ZNF577: variants seen among roughly 807,000 people sequenced by gnomAD.
The protein encoded by ZNF577 is zinc finger protein 577.
ZNF577 carries 14 observed loss-of-function variants against 13.9 expected under a neutral mutation model. The ratio of observed to expected loss-of-function variants is 1.00; its 90% CI spans 0.66 to 1.57. The LOEUF (loss-of-function observed/expected upper bound fraction) is 1.57, where lower values mean the gene tolerates loss of function less well. Among genes scored for constraint, ZNF577 ranks in the 40% most tolerant of loss-of-function variants. The pLI, the probability that ZNF577 is intolerant of heterozygous loss-of-function variation, is 0.00. For missense variants in ZNF577, 555 were observed against 579.2 expected, an observed-to-expected ratio of 0.96 and a Z score of 0.43; for synonymous variants, 203 against 202.9, an observed-to-expected ratio of 1.00 and a Z score of 0.00.
chr19:51,844,800 T>C (rs1193229161), exon 6 of ZNF577: 1 of 152,216 alleles, frequency 6.6e-6, no homozygotes, highest in East Asian at 1.9e-4. Flanking sequence ...AGATGGCCAG[T>C]ACTTTTAGTA....
Position 51,824,918 on chromosome 19 carries a change from T to A in ZNF577, c.*600-13244A>T, listed in dbSNP as rs1029867224. The A allele has an allele frequency of 1.5e-4, 131 of 871,190 alleles. 3 individuals are homozygous for A. In the Admixed American group the frequency reaches 3.6e-3, roughly 24 times the overall value. The allele number at this position is 871,190 out of a possible 1,614,324, so 54.0% of individuals were successfully genotyped here. A position where few individuals can be genotyped will look rare whatever the true frequency, so the allele number is the denominator to read the frequency against. On this transcript the variant is annotated intron_variant and NMD_transcript_variant, in intron 9 of 10. Transcript: ENST00000638827. The surrounding 1 kb of genome is among the most constrained non-coding windows in gnomAD (Gnocchi z 4.7). ...TTTCATACCACCACCACCACAATCA[T>A]CAACATAAAGGAAGTCTGTACCAAA... is the stretch of plus-strand genomic sequence containing the variant.
At chr19:51,883,410 C>T (rs950439129) in intron 1 of ZNF577, among the ~76,000 whole-genome samples, 1 of 152,082 alleles carries the variant, frequency 6.6e-6, no homozygotes, top group Non-Finnish European at 1.5e-5. Context: ...CAGGCATGAG[C>T]GACTGCTCCC....
At chr19:51,836,028 C>A (rs2084285862) in intron 9 of ZNF577, among the ~76,000 whole-genome samples, 1 of 152,082 alleles carries the variant, frequency 6.6e-6, no homozygotes, top group East Asian at 1.9e-4. Context: ...TTGGATCATG[C>A]AATTTTAAAG....
At position 51,887,270 on chromosome 19, in the gene ZNF577, G is replaced by C. The variant is rs1025990932; in HGVS notation, c.-668C>G. 1.3e-5 allele frequency: 2 copies of C among 152,152 alleles called. No individual in the cohort carries two copies. The highest frequency in any genetic ancestry group is 4.8e-5 in the African/African-American group (2 of 41,414). 9.4% of individuals were successfully genotyped at this position (152,152 alleles called of 1,614,324 possible). A position where few individuals can be genotyped will look rare whatever the true frequency, so the allele number is the denominator to read the frequency against. On this transcript the variant is annotated 5_prime_UTR_variant, in exon 1 of 6. Transcript: ENST00000638348. ...AAAGCAACCACTTGATGAAACTGCA[G>C]CAATTTAAAAAACTCTCAAAGAGCA...
In ZNF577 at chr19:51,824,828, G is replaced by T; in HGVS notation, c.*600-13154C>A. 6.3e-7 allele frequency: 1 copy of T among 1,584,462 alleles called. No homozygotes were observed. The highest frequency in any genetic ancestry group is 1.7e-4 in the Middle Eastern group (1 of 5,934). On this transcript the variant is annotated intron_variant and NMD_transcript_variant, in intron 9 of 10. Transcript: ENST00000638827. The surrounding 1 kb of genome is among the most constrained non-coding windows in gnomAD (Gnocchi z 4.7). Reference sequence around the variant, plus strand: ...CAATGTGAGGTCGGGGATATTTTTGGGCTCTGTCTCTTTCTACCCTGCGTT... The same window carrying T: ...CAATGTGAGGTCGGGGATATTTTTGTGCTCTGTCTCTTTCTACCCTGCGTT...
chr19:51,809,724 C>T (rs541247058), intron 10 of ZNF577, among the ~76,000 whole-genome samples: 47 of 152,204 alleles, frequency 3.1e-4, no homozygotes, highest in Non-Finnish European at 5.0e-4. Context: ...GATAAAGGTC[C>T]CCAAATATCA....
chr19:51,837,093 G>C (rs2122531608), intron 9 of ZNF577, among the ~76,000 whole-genome samples: 1 of 151,278 alleles, frequency 6.6e-6, no homozygotes, highest in South Asian at 2.1e-4. Flanking sequence ...GAAAAGGAAT[G>C]TGAAGGAAAC....
downstream of ZNF577, among the ~76,000 whole-genome samples, chr19:51,865,196 A>C (rs2084548298): frequency 6.6e-6 from 1 of 152,180 alleles, no homozygotes; most frequent in Admixed American, 6.5e-5. Flanking sequence ...TCTAGGGTTC[A>C]AGTGATTCTC....
At chr19:51,855,383 G>A (rs1254831667) in intron 5 of ZNF577, among the ~76,000 whole-genome samples, 2 of 151,112 alleles carry the variant, frequency 1.3e-5, no homozygotes, top group East Asian at 1.9e-4. Flanking sequence ...GTGTGTGTGT[G>A]TGTGTGTGTG....
intron 5 of ZNF577, among the ~76,000 whole-genome samples, chr19:51,847,685 C>T (rs2084359786): frequency 6.6e-6 from 1 of 152,104 alleles, no homozygotes; most frequent in South Asian, 2.1e-4. Flanking sequence ...TCAACAACCC[C>T]GAAGCGGCCT....
At chr19:51,821,651 A>T (rs542329399) in intron 9 of ZNF577, among the ~76,000 whole-genome samples, 2 of 152,330 alleles carry the variant, frequency 1.3e-5, no homozygotes, top group South Asian at 4.1e-4. Flanking sequence ...GTATGACCAC[A>T]TGCTGGAAAT....
At chr19:51,845,194 T>G (rs899076535) in intron 5 of ZNF577, among the ~76,000 whole-genome samples, 8 of 152,118 alleles carry the variant, frequency 5.3e-5, no homozygotes, top group African/African-American at 1.9e-4. Flanking sequence ...CTTAAGCAAT[T>G]TTCAAGAGTA....
At chr19:51,842,993 T>C (rs563040715) in intron 7 of ZNF577, 2 of 152,362 alleles carry the variant, frequency 1.3e-5, no homozygotes, top group African/African-American at 4.8e-5. Flanking sequence ...ATGCACAGTA[T>C]ACATCTCAGC....
intron 9 of ZNF577, chr19:51,823,723 T>G (rs941355937): frequency 2.6e-6 from 4 of 1,536,654 alleles, no homozygotes; most frequent in Non-Finnish European, 2.6e-6. Context: ...AAATGGCCAT[T>G]GCTGAAATGT....
At position 51,868,853 on chromosome 19, in the gene ZNF577, T is replaced by G. The variant is rs920614291; in HGVS notation, c.*3679A>C. Among the ~76,000 whole-genome samples, 1 of 152,238 alleles carries G rather than the reference T, an allele frequency of 6.6e-6. No individual in the cohort carries two copies. Among genetic ancestry groups the G allele is most frequent in the Non-Finnish European group, 1.5e-5 (1 of 68,044 alleles). The stretch of plus-strand genomic sequence containing the variant: ...TGTAACCCTAGCCTCAACCCTGTGC[T>G]CGCAGAAACATGTGCTGTGTTGACT... On this transcript the variant is annotated 3_prime_UTR_variant, in exon 6 of 6. Transcript: ENST00000638348.
chr19:51,866,468 T>C (rs1017144874), downstream of ZNF577, among the ~76,000 whole-genome samples: 1 of 152,206 alleles, frequency 6.6e-6, no homozygotes, highest in Non-Finnish European at 1.5e-5. Context: ...CTGGATAAGC[T>C]TGGAAGTGGA....
At chr19:51,827,827 T>C (rs1476256612) in intron 9 of ZNF577, among the ~76,000 whole-genome samples, 1 of 152,202 alleles carries the variant, frequency 6.6e-6, no homozygotes, top group African/African-American at 2.4e-5. Context: ...GTGAACATAC[T>C]TTCCTGATGC....
intron 5 of ZNF577, among the ~76,000 whole-genome samples, chr19:51,858,931 T>C (rs1052454266): frequency 2.6e-5 from 4 of 152,226 alleles, no homozygotes; most frequent in South Asian, 4.1e-4. Context: ...ACCATCTCTA[T>C]CTAGTTCAAA....
At chr19:51,809,551 A>G (rs1254756566) in intron 10 of ZNF577, among the ~76,000 whole-genome samples, 1 of 152,220 alleles carries the variant, frequency 6.6e-6, no homozygotes, top group Non-Finnish European at 1.5e-5. Flanking sequence ...GGAATAAGCA[A>G]TAATTGAGCA....
Sources: gnomAD v4.1 joint callset for allele counts (sites outside exome capture counted in the v4.1 genomes callset) on GRCh38, gnomAD v4.1.1 for gene constraint, Gnocchi (gnomAD v3.1) non-coding constraint, MANE v1.5 for transcripts, NCBI Gene and HGNC (gene_info 2026-07-23, HGNC 2026-07-21) for gene names.